TIMP3: variants seen among roughly 807,000 people sequenced by gnomAD.
The protein encoded by TIMP3 is TIMP metallopeptidase inhibitor 3, also known as metalloproteinase inhibitor 3.
Under a neutral mutation model 30.0 loss-of-function variants are expected in TIMP3, and 11 were observed. That is an observed-to-expected ratio of 0.37 (90% CI 0.23 to 0.61). The LOEUF is 0.61. TIMP3 is among the 20% of genes least tolerant of loss of function. The pLI, the probability that TIMP3 is intolerant of heterozygous loss-of-function variation, is 0.70. For missense variants in TIMP3, 181 were observed against 276.8 expected, an observed-to-expected ratio of 0.65 and a Z score of 2.45; for synonymous variants, 112 against 111.3, an observed-to-expected ratio of 1.01 and a Z score of -0.04.
intron 1 of TIMP3, among the ~76,000 whole-genome samples, chr22:32,826,798 TG>T (rs2047427641): frequency 6.6e-6 from 1 of 152,264 alleles, no homozygotes; most frequent in African/African-American, 2.4e-5. Context: ...CAGGAGTTCA[TG>T]GGGGAGTGAG....
At position 32,837,502 on chromosome 22, in the gene TIMP3, G is replaced by A. The variant is rs1229132373; in HGVS notation, c.122-11950G>A. Among the ~76,000 whole-genome samples, 2 of 152,186 alleles carry A rather than the reference G, an allele frequency of 1.3e-5. No homozygotes were observed. Among genetic ancestry groups the A allele is most frequent in the Non-Finnish European group, 2.9e-5 (2 of 68,042 alleles). On this transcript the variant is annotated intron_variant, in intron 1 of 4. Coordinates refer to ENST00000266085, the MANE Select transcript of TIMP3 (RefSeq NM_000362.5). The surrounding 1 kb of genome is among the most constrained non-coding windows in gnomAD (Gnocchi z 4.1). ...CACCCAGGGCGAAACCACTCCAAGAGGTGAAAGGGCTTGAGGGGAGACAGG... is the reference window on the plus strand; with the variant it reads ...CACCCAGGGCGAAACCACTCCAAGAAGTGAAAGGGCTTGAGGGGAGACAGG...
intron 2 of TIMP3, among the ~76,000 whole-genome samples, chr22:32,856,755 TCTTA>T (rs1444420008): frequency 1.3e-5 from 2 of 152,324 alleles, no homozygotes; most frequent in East Asian, 3.9e-4. Context: ...GAACACTGGG[TCTTA>T]CTTGTTCTGC....
At chr22:32,823,502 G>T (rs1294624270) in intron 1 of TIMP3, among the ~76,000 whole-genome samples, 2 of 152,162 alleles carry the variant, frequency 1.3e-5, no homozygotes, top group African/African-American at 4.8e-5. Context: ...AAGCAGCCAG[G>T]GTCCAGTGGA....
chr22:32,846,403 G>A (rs1412294346), intron 1 of TIMP3, among the ~76,000 whole-genome samples: 1 of 152,224 alleles, frequency 6.6e-6, no homozygotes, highest in East Asian at 1.9e-4. Flanking sequence ...GTGCATGTTA[G>A]AAGTCTGAAG....
intron 1 of TIMP3, among the ~76,000 whole-genome samples, chr22:32,838,348 G>A (rs927159255): frequency 6.6e-6 from 1 of 152,176 alleles, no homozygotes; most frequent in Non-Finnish European, 1.5e-5. Context: ...AGCCTGCCAT[G>A]CTCTTCATAT....
At chr22:32,804,355 G>C (rs1258707841) in intron 1 of TIMP3, among the ~76,000 whole-genome samples, 2 of 152,178 alleles carry the variant, frequency 1.3e-5, no homozygotes, top group African/African-American at 2.4e-5. Context: ...TCATTGCTCA[G>C]AGCCTTTCTG....
At chr22:32,810,373 G>T (rs1274694321) in intron 1 of TIMP3, among the ~76,000 whole-genome samples, 2 of 152,168 alleles carry the variant, frequency 1.3e-5, no homozygotes, top group Non-Finnish European at 2.9e-5. Flanking sequence ...GGCATTCACG[G>T]CTTGGAGACA....
chr22:32,852,793 C>T (rs2048258725), intron 2 of TIMP3, among the ~76,000 whole-genome samples: 1 of 152,138 alleles, frequency 6.6e-6, no homozygotes, highest in Non-Finnish European at 1.5e-5. Flanking sequence ...TTATTGCAAT[C>T]CCAAACTTGG....
intron 1 of TIMP3, among the ~76,000 whole-genome samples, chr22:32,812,606 C>T (rs1452308969): frequency 6.6e-6 from 1 of 152,176 alleles, no homozygotes; most frequent in Non-Finnish European, 1.5e-5. Context: ...CTTTCCTTAT[C>T]CACAGCCTAC....
chr22:32,805,018 C>T (rs9609635), intron 1 of TIMP3, among the ~76,000 whole-genome samples: 52,674 of 117,938 alleles, frequency 0.45, 9,428 homozygotes, highest in East Asian at 0.51. Flanking sequence ...TGAAAATGTG[C>T]GTGTGTGCGT....
chr22:32,827,555 G>T (rs1318405978), intron 1 of TIMP3, among the ~76,000 whole-genome samples: 1 of 152,136 alleles, frequency 6.6e-6, no homozygotes, highest in Non-Finnish European at 1.5e-5. Context: ...CCCCAGAGTG[G>T]GTGGGCAAGG....
At chr22:32,807,377 T>TAATATATAAATATATAATATATA (rs2046783482) in intron 1 of TIMP3, among the ~76,000 whole-genome samples, 1 of 108,754 alleles carries the variant, frequency 9.2e-6, no homozygotes, top group African/African-American at 4.1e-5. Context: ...ATATTATATA[T>TAATATATAAATATATAATATATA]AATATATATT....
chr22:32,803,214 C>T (rs1054640253), intron 1 of TIMP3, among the ~76,000 whole-genome samples: 2 of 151,944 alleles, frequency 1.3e-5, no homozygotes, highest in Admixed American at 1.3e-4. Flanking sequence ...CGCCCTCTGC[C>T]TGTGTCGATT....
chr22:32,836,549 T>C (rs193137048), intron 1 of TIMP3, among the ~76,000 whole-genome samples: 9 of 152,374 alleles, frequency 5.9e-5, no homozygotes, highest in Non-Finnish European at 2.9e-5. Context: ...CTTTAATCAT[T>C]CCTCCGCACC....
chr22:32,844,896 A>AT (rs2048017269), intron 1 of TIMP3, among the ~76,000 whole-genome samples: 1 of 151,636 alleles, frequency 6.6e-6, no homozygotes, highest in Non-Finnish European at 1.5e-5. Flanking sequence ...AATTTTTATA[A>AT]TTTTTTATTT....
In TIMP3 at chr22:32,857,293, T is replaced by C. The variant is rs9862; in HGVS notation, c.249T>C (p.His83=). ...FTKMPHVQYI[H]TEASESLCGL... Reference sequence around the variant, plus strand: ...AGATGCCCCATGTGCAGTACATCCATACGGAAGCTTCCGAGAGTCTCTGTG... The same window carrying C: ...AGATGCCCCATGTGCAGTACATCCACACGGAAGCTTCCGAGAGTCTCTGTG... The change falls in exon 3 of 5, where the codon CAT becomes CAC. Residue 83 remains histidine (H), a synonymous_variant. Coordinates refer to ENST00000266085, the MANE Select transcript of TIMP3 (RefSeq NM_000362.5). 0.52 allele frequency: 846,048 copies of C among 1,612,676 alleles called. 228,674 individuals carry two copies. Among genetic ancestry groups the C allele is most frequent in the African/African-American group, 0.84 (62,930 of 74,960 alleles).
intron 1 of TIMP3, among the ~76,000 whole-genome samples, chr22:32,820,241 C>CGT (rs2047199020): frequency 7.8e-6 from 1 of 127,702 alleles, no homozygotes; most frequent in Non-Finnish European, 1.7e-5. Context: ...TCCTTTCTCC[C>CGT]CTGTGTGTGT....
intron 1 of TIMP3, among the ~76,000 whole-genome samples, chr22:32,822,849 C>G (rs537599498): frequency 1.3e-3 from 205 of 152,030 alleles, no homozygotes; most frequent in African/African-American, 4.7e-3. Flanking sequence ...AGGTAGTTCT[C>G]TATTGATGCC....
At chr22:32,802,149 GC>G in intron 1 of TIMP3, 27 bp downstream of exon 1, 1 of 1,568,580 alleles carries the variant, frequency 6.4e-7, no homozygotes. Flanking sequence ...CCCCGCCCGA[GC>G]CCCACGCTGC....
Sources: allele counts gnomAD v4.1 joint callset (sites outside exome capture counted in the v4.1 genomes callset), GRCh38; gene constraint gnomAD v4.1.1; non-coding constraint Gnocchi (gnomAD v3.1); transcripts MANE v1.5; gene names NCBI Gene and HGNC (gene_info 2026-07-23, HGNC 2026-07-21).